The following PCDHA3 variants were observed in gnomAD, a reference collection of about 807,000 sequenced individuals.
PCDHA3 encodes the protein protocadherin alpha-3.
In PCDHA3, 41 loss-of-function variants were observed where a neutral mutation model predicts 62.2. That is an observed-to-expected ratio of 0.66 (90% CI 0.51 to 0.86). The LOEUF is 0.86. Ranked by LOEUF, PCDHA3 falls within the 40% of genes least tolerant of loss-of-function variation. The pLI is 0.00. For synonymous variants in PCDHA3, 640 were observed against 555.4 expected (o/e 1.15, Z -2.14); for missense variants, 1,304 against 1,241.2 (o/e 1.05, Z -0.76).
Position 140,801,706 on chromosome 5 carries a change from A to G in PCDHA3, c.509A>G (p.Tyr170Cys), listed in dbSNP as rs546101434. Residue 170 changes from tyrosine to cysteine, a missense_variant, in exon 1 of 4, where the codon TAC becomes TGC. Physicochemically the swap from Tyr to Cys is radical, Grantham distance 194. Transcript: ENST00000522353. ...ADIGTNSLLT[Y>C]SLDSTEYFTL... ...ATCGGAACAAATTCGTTGTTGACTT[A>G]CAGTCTTGATTCCACTGAATATTTT... The G allele has an allele frequency of 6.2e-7, 1 of 1,614,062 alleles. No homozygotes were observed.
At chr5:140,992,605 A>C (rs2097521923) in intron 3 of PCDHA3, among the ~76,000 whole-genome samples, 1 of 152,166 alleles carries the variant, frequency 6.6e-6, no homozygotes, top group South Asian at 2.1e-4. Flanking sequence ...TCTGTGTCTA[A>C]GTGAAAGCAG....
intron 2 of PCDHA3, among the ~76,000 whole-genome samples, chr5:140,981,687 ATCATTCAT>A (rs200213847): frequency 3.3e-5 from 5 of 151,972 alleles, no homozygotes; most frequent in South Asian, 2.1e-4. Flanking sequence ...CCTCCCTTCC[ATCATTCAT>A]TCATTCATTC....
At position 140,851,996 on chromosome 5, in the gene PCDHA3, G is replaced by A. The variant is rs782761862; in HGVS notation, c.2394+48405G>A. ...TACCTTTAGTGCAAGCTATTTGTTT[G>A]TTTTCTAATTTATAGTTTTAAAAAC... On this transcript the variant is annotated intron_variant, in intron 1 of 3. Transcript: ENST00000522353. The A allele has an allele frequency of 4.9e-4, 481 of 975,902 alleles. 33 individuals carry two copies. Among genetic ancestry groups the A allele is most frequent in the Admixed American group, 1.4e-3 (23 of 15,868 alleles). The allele number at this position is 975,902 out of a possible 1,614,324, so 60.5% of individuals were successfully genotyped here.
intron 1 of PCDHA3, chr5:140,841,303 T>C (rs2150313013): frequency 6.4e-7 from 1 of 1,572,476 alleles, no homozygotes; most frequent in South Asian, 1.2e-5. Flanking sequence ...TATTTTCTGA[T>C]AGGAAACGAC....
intron 3 of PCDHA3, among the ~76,000 whole-genome samples, chr5:141,000,417 A>T (rs1334137638): frequency 1.8e-3 from 141 of 77,654 alleles, no homozygotes; most frequent in African/African-American, 4.6e-3. Context: ...ATATATATAT[A>T]TATATTTTTT....
In PCDHA3 at chr5:140,957,188, C is replaced by T. The variant is rs374236292; in HGVS notation, c.2395-21761C>T. On this transcript the variant is annotated intron_variant, in intron 1 of 3. Transcript: ENST00000522353. ...GTATATAAATTGGTTTATTGATGAC[C>T]GATTGGGAATATAAATAGGCACAAA... is the stretch of plus-strand genomic sequence containing the variant. 2.1e-3 allele frequency among the ~76,000 whole-genome samples: 315 copies of T among 151,992 alleles called. 3 individuals carry two copies. The highest frequency in any genetic ancestry group is 7.3e-3 in the African/African-American group (304 of 41,464).
intron 1 of PCDHA3, chr5:140,871,538 A>G: frequency 6.6e-7 from 1 of 1,507,314 alleles, no homozygotes; most frequent in Non-Finnish European, 8.9e-7. Context: ...TGTATGTGAA[A>G]TTATTTAAAA....
chr5:140,857,611 G>C, intron 1 of PCDHA3: 2 of 1,596,436 alleles, frequency 1.3e-6, no homozygotes, highest in Non-Finnish European at 1.7e-6. Flanking sequence ...CGCTGCAGCC[G>C]CTGGACCACG....
intron 3 of PCDHA3, among the ~76,000 whole-genome samples, chr5:140,990,798 A>G (rs1554251753): frequency 6.6e-6 from 1 of 152,208 alleles, no homozygotes; most frequent in Admixed American, 6.5e-5. Context: ...ACCATGGAAT[A>G]CAGAAGAAGC....
chr5:140,875,854 G>A (rs1448268904), intron 1 of PCDHA3: 6 of 1,614,160 alleles, frequency 3.7e-6, no homozygotes, highest in Non-Finnish European at 5.1e-6. Flanking sequence ...GGACATTAAC[G>A]ACAACCCGCC....
intron 1 of PCDHA3, among the ~76,000 whole-genome samples, chr5:140,895,233 A>G (rs2064923914): frequency 3.3e-5 from 5 of 152,070 alleles, no homozygotes; most frequent in Admixed American, 2.6e-4. Context: ...GAGTTTTCTC[A>G]TCTCTCTTTT....
chr5:140,927,688 G>T (rs2084510856), intron 1 of PCDHA3: 1 of 1,613,944 alleles, frequency 6.2e-7, no homozygotes, highest in African/African-American at 1.3e-5. Flanking sequence ...AGGGTCCAAT[G>T]GGGAAGTCCA....
chr5:140,856,016 A>G (rs2043730978), intron 1 of PCDHA3: 2 of 1,550,936 alleles, frequency 1.3e-6, no homozygotes, highest in East Asian at 2.3e-5. Flanking sequence ...TAGACCGCTG[A>G]TTCGTCGATT....
chr5:140,803,873 T>G, intron 1 of PCDHA3: 1 of 558,602 alleles, frequency 1.8e-6, no homozygotes, highest in South Asian at 2.4e-5. Flanking sequence ...AGACAAATAT[T>G]TTTTCTTAGA....
At chr5:140,995,155 A>T (rs2097666869) in intron 3 of PCDHA3, among the ~76,000 whole-genome samples, 2 of 152,194 alleles carry the variant, frequency 1.3e-5, no homozygotes, top group Non-Finnish European at 2.9e-5. Flanking sequence ...CTTTATATAC[A>T]TTATGTTCTT....
In PCDHA3 at chr5:141,012,200, T is replaced by A. The variant is rs2098423248; in HGVS notation, c.*2263T>A. On this transcript the variant is annotated 3_prime_UTR_variant, in exon 4 of 4. Coordinates refer to ENST00000522353, the MANE Select transcript of PCDHA3 (RefSeq NM_018906.3). The stretch of plus-strand genomic sequence containing the variant: ...TAATTATAATGTATCTGTACAGCAC[T>A]TTTTACATTTGCGAAGTGCTTTCCA... 6.5e-6 allele frequency: 1 copy of A among 153,778 alleles called. No homozygotes were observed. The highest frequency in any genetic ancestry group is 1.5e-5 in the Non-Finnish European group (1 of 68,048). 9.5% of individuals were successfully genotyped at this position (153,778 alleles called of 1,614,324 possible). A position where few individuals can be genotyped will look rare whatever the true frequency, so the allele number is the denominator to read the frequency against.
chr5:140,822,834 C>T, intron 1 of PCDHA3: 3 of 1,614,218 alleles, frequency 1.9e-6, no homozygotes, highest in Non-Finnish European at 2.5e-6. Context: ...CCATAACCAC[C>T]CTTTTCCTGC....
chr5:140,850,377 A>G (rs2150481518), intron 1 of PCDHA3: 3 of 1,597,876 alleles, frequency 1.9e-6, no homozygotes, highest in Middle Eastern at 1.7e-4. Context: ...GGGGCTGTAC[A>G]CGGGCGAGAT....
At chr5:140,830,049 AC>A in intron 1 of PCDHA3, 1 of 1,613,626 alleles carries the variant, frequency 6.2e-7, no homozygotes, top group Non-Finnish European at 8.5e-7. Flanking sequence ...CTGGTGAAAG[AC>A]CACGGTGAGC....
Sources: allele counts gnomAD v4.1 joint callset (sites outside exome capture counted in the v4.1 genomes callset), GRCh38; gene constraint gnomAD v4.1.1; transcripts MANE v1.5; gene names NCBI Gene and HGNC (gene_info 2026-07-23, HGNC 2026-07-21).